The following PDE8B variants were observed in gnomAD, a reference collection of about 807,000 sequenced individuals.
The protein encoded by PDE8B is phosphodiesterase 8B, also known as high affinity cAMP-specific and IBMX-insensitive 3',5'-cyclic phosphodiesterase 8B.
PDE8B carries 26 observed loss-of-function variants against 101.3 expected under a neutral mutation model. The observed-to-expected ratio is 0.26, with a 90% CI of 0.19 to 0.36. The LOEUF (loss-of-function observed/expected upper bound fraction) is 0.36, where lower values mean the gene tolerates loss of function less well. Among genes scored for constraint, PDE8B ranks in the 10% least tolerant of loss-of-function variants. The pLI is 1.00. For synonymous variants in PDE8B, 424 were observed against 429.3 expected (o/e 0.99, Z 0.15); for missense variants, 810 against 1,163.1 (o/e 0.70, Z 4.42).
At chr5:77,178,135 ACT>A in the PDE8B span, among the ~76,000 whole-genome samples, 1 of 151,864 alleles carries the variant, frequency 6.6e-6, no homozygotes, top group Non-Finnish European at 1.5e-5. Context: ...GAAAATTCTC[ACT>A]CTCTCAGAAG....
In PDE8B at chr5:77,330,642, T is replaced by A. The variant is rs1561536614; in HGVS notation, c.651-760T>A. On this transcript the variant is annotated intron_variant, in intron 4 of 21. Coordinates refer to ENST00000264917, the MANE Select transcript of PDE8B (RefSeq NM_003719.5). ...CTGGGACTTCTGTTCCTGTTTTCTA[T>A]CTGCGTTTCCACCCAATCCCTTTTA... Among the ~76,000 whole-genome samples the A allele has an allele frequency of 2.0e-5, 3 of 152,308 alleles. No individual in the cohort carries two copies. The East Asian group carries it at 5.8e-4, about 29-fold the overall frequency.
chr5:77,176,364 T>C, the PDE8B span, among the ~76,000 whole-genome samples: 1 of 152,220 alleles, frequency 6.6e-6, no homozygotes, highest in South Asian at 2.1e-4. Flanking sequence ...ATGAAGGTTT[T>C]AGAGGCACAA....
chr5:77,104,057 A>T, the PDE8B span, among the ~76,000 whole-genome samples: 1 of 152,178 alleles, frequency 6.6e-6, no homozygotes, highest in Non-Finnish European at 1.5e-5. Context: ...GTGGCTGAGG[A>T]CAGCTAAGTT....
At chr5:77,397,728 G>T (rs1791373975) in intron 10 of PDE8B, among the ~76,000 whole-genome samples, 1 of 152,130 alleles carries the variant, frequency 6.6e-6, no homozygotes, top group Non-Finnish European at 1.5e-5. Context: ...GGAAGTTTTA[G>T]GGCCTAAACC....
At chr5:77,224,843 C>T (rs1216237770) in intron 1 of PDE8B, among the ~76,000 whole-genome samples, 1 of 152,070 alleles carries the variant, frequency 6.6e-6, no homozygotes, top group Admixed American at 6.5e-5. Flanking sequence ...GCAGAGTTTC[C>T]CACAGTCTGG....
chr5:77,309,750 T>A (rs1463496055), intron 1 of PDE8B, among the ~76,000 whole-genome samples: 1 of 149,130 alleles, frequency 6.7e-6, no homozygotes, highest in East Asian at 2.0e-4. Context: ...CTCCCAAGTA[T>A]CTGGGATTAC....
the PDE8B span, among the ~76,000 whole-genome samples, chr5:77,138,708 T>A: frequency 6.6e-6 from 1 of 152,200 alleles, no homozygotes; most frequent in Non-Finnish European, 1.5e-5. Flanking sequence ...CATTTTCAAT[T>A]TTTTTCTACT....
chr5:77,353,410 T>C lies in PDE8B; in HGVS notation c.1167+4T>C, dbSNP rs1781508055. ...TACCACTGACAATAATAAGCAGGTA[T>C]GGTATTAGCTCACTTCGTTTGCTCT... is the stretch of plus-strand genomic sequence containing the variant. On this transcript the variant is annotated splice_donor_region_variant and intron_variant, in intron 10 of 21. Coordinates refer to ENST00000264917, the MANE Select transcript of PDE8B (RefSeq NM_003719.5). 5.1e-6 allele frequency: 8 copies of C among 1,573,668 alleles called. No homozygotes were observed. The highest frequency in any genetic ancestry group is 2.2e-5 in the East Asian group (1 of 44,646).
At chr5:77,147,072 C>T in the PDE8B span, 2 of 390,394 alleles carry the variant, frequency 5.1e-6, no homozygotes, top group South Asian at 4.6e-5. Flanking sequence ...TAAAGGAAAG[C>T]CTGATGCAGC....
chr5:77,163,543 A>G, the PDE8B span, among the ~76,000 whole-genome samples: 3 of 152,238 alleles, frequency 2.0e-5, no homozygotes, highest in East Asian at 1.9e-4. Flanking sequence ...AATAACCACT[A>G]TGAACAGTTT....
At chr5:77,188,198 A>C in the PDE8B span, among the ~76,000 whole-genome samples, 1 of 152,200 alleles carries the variant, frequency 6.6e-6, no homozygotes, top group Admixed American at 6.5e-5. Flanking sequence ...TAGTAACCTA[A>C]GAGTACTTTA....
At chr5:77,257,444 G>A (rs1288255904) in intron 1 of PDE8B, among the ~76,000 whole-genome samples, 2 of 152,020 alleles carry the variant, frequency 1.3e-5, no homozygotes, top group Non-Finnish European at 2.9e-5. Flanking sequence ...TAAACAAAAT[G>A]AATTTTAGAA....
rs1470782927 is a variant in PDE8B at position 77,233,651 on chromosome 5, GCT to G, written c.339+22390_339+22391del. 1.5e-4 allele frequency among the ~76,000 whole-genome samples: 18 copies of G among 117,084 alleles called. No individual in the cohort carries two copies. In the East Asian group the frequency reaches 6.4e-3, roughly 42 times the overall value. The allele number at this position is 117,084 out of a possible 152,430, so 76.8% of individuals were successfully genotyped here. A position where few individuals can be genotyped will look rare whatever the true frequency, so the allele number is the denominator to read the frequency against. ...ACCTGACAGCCCCCAACCCCCTGAAGCTCTGTGTGTGTGTGTGTGTGTGTGTG... is the reference window on the plus strand; with the variant it reads ...ACCTGACAGCCCCCAACCCCCTGAAGCTGTGTGTGTGTGTGTGTGTGTGTG... On this transcript the variant is annotated intron_variant, in intron 1 of 21. Transcript: ENST00000264917.
intron 1 of PDE8B, among the ~76,000 whole-genome samples, chr5:77,224,687 G>T (rs12520862): frequency 0.16 from 24,245 of 152,108 alleles, 2,027 homozygotes; most frequent in East Asian, 0.32. Context: ...TTCATTTAAA[G>T]ATTTTTTTAA....
intron 2 of PDE8B, among the ~76,000 whole-genome samples, chr5:77,321,343 G>A (rs1775034126): frequency 6.6e-6 from 1 of 151,850 alleles, no homozygotes; most frequent in Non-Finnish European, 1.5e-5. Flanking sequence ...TAGAGACAGG[G>A]TTTCTCCATG....
At chr5:77,287,293 G>A (rs754785472) in intron 1 of PDE8B, among the ~76,000 whole-genome samples, 1 of 151,878 alleles carries the variant, frequency 6.6e-6, no homozygotes, top group African/African-American at 2.4e-5. Context: ...AGGTTGCCAC[G>A]TATTTTATTT....
Position 77,418,372 on chromosome 5 carries a change from G to A in PDE8B, c.2055G>A (p.Glu685=), listed in dbSNP as rs146449408. The part of the protein sequence containing the change: ...AVLYNDTAVL[E]SHHTALAFQL... ...TCTACAATGACACTGCTGTTCTGGA[G>A]AGTCACCACACCGCCCTGGCCTTCC... The change falls in exon 18 of 22, where the codon GAG becomes GAA. Residue 685 remains glutamate (E), a synonymous_variant. Transcript: ENST00000264917. The A allele has an allele frequency of 3.6e-4, 578 of 1,614,054 alleles. No individual in the cohort carries two copies. The highest frequency in any genetic ancestry group is 3.2e-4 in the Non-Finnish European group (375 of 1,180,024).
chr5:77,233,660 G>GTGTA (rs1468605749), intron 1 of PDE8B, among the ~76,000 whole-genome samples: 1 of 91,724 alleles, frequency 1.1e-5, no homozygotes, highest in East Asian at 2.0e-4. Context: ...AGCTCTGTGT[G>GTGTA]TGTGTGTGTG....
chr5:77,325,547 G>C lies in PDE8B; in HGVS notation c.408G>C (p.Leu136=), dbSNP rs1182349112. 6.2e-6 allele frequency: 10 copies of C among 1,613,830 alleles called. No individual in the cohort carries two copies. The highest frequency in any genetic ancestry group is 8.5e-6 in the Non-Finnish European group (10 of 1,179,844). Residue 136 remains leucine (L), a synonymous_variant, in exon 3 of 22, where the codon CTG becomes CTC. Transcript: ENST00000264917. ...TTTTTGTTGTGTTTCAGGTTTTGCT[G>C]ATCTTTGCAAAGGAAGATAGTCAGA... ...RLTQDPIQVL[L]IFAKEDSQSD... is the part of the protein sequence containing the mutation.
Sources: gnomAD v4.1 joint callset for allele counts (sites outside exome capture counted in the v4.1 genomes callset) on GRCh38, gnomAD v4.1.1 for gene constraint, MANE v1.5 for transcripts, NCBI Gene and HGNC (gene_info 2026-07-23, HGNC 2026-07-21) for gene names.